Variants in CHST15 observed in about 807,000 individuals in gnomAD.
CHST15 encodes the protein B cell RAG associated protein (GALNAC4S-6ST).
In CHST15, 30 loss-of-function variants were observed where a neutral mutation model predicts 53.6. The observed-to-expected ratio is 0.56, with a 90% confidence interval of 0.42 to 0.76. The LOEUF (loss-of-function observed/expected upper bound fraction) is 0.76, where lower values mean the gene tolerates loss of function less well. Among genes scored for constraint, CHST15 ranks in the 30% least tolerant of loss-of-function variants. CHST15 has a pLI of 0.00. For synonymous variants in CHST15, 296 were observed against 289.8 expected (o/e 1.02, Z -0.22); for missense variants, 627 against 740.5 (o/e 0.85, Z 1.78).
At chr10:124,011,289 AAC>A (rs1590169846) in intron 7 of CHST15, among the ~76,000 whole-genome samples, 2 of 152,240 alleles carry the variant, frequency 1.3e-5, no homozygotes, top group East Asian at 3.8e-4. Flanking sequence ...GGCCATATGA[AAC>A]ACAGAATTGG....
Position 124,031,570 on chromosome 10 carries a change from C to T in CHST15, c.1190+6945G>A, listed in dbSNP as rs905874565. On this transcript the variant is annotated intron_variant, in intron 5 of 7. Transcript: ENST00000435907. The stretch of plus-strand genomic sequence containing the variant: ...ATGAAAACACGGGATTATAACTTTA[C>T]GGGGCCACCATCATATATGGGGTCC... Among the ~76,000 whole-genome samples, 35 of 152,246 alleles carry T rather than the reference C, an allele frequency of 2.3e-4. No individual in the cohort carries two copies. The East Asian group carries it at 5.2e-3, about 23-fold the overall frequency.
At chr10:124,068,511 G>T (rs1564904596) in intron 1 of CHST15, among the ~76,000 whole-genome samples, 1 of 152,190 alleles carries the variant, frequency 6.6e-6, no homozygotes, top group South Asian at 2.1e-4. Context: ...TGATGGGCCG[G>T]GTACATGTCC....
intron 1 of CHST15, among the ~76,000 whole-genome samples, chr10:124,062,166 C>T (rs947611029): frequency 5.9e-5 from 9 of 152,148 alleles, no homozygotes; most frequent in Non-Finnish European, 8.8e-5. Flanking sequence ...TGCATCTTTA[C>T]ACACACGCAC....
At chr10:124,093,444 T>A (rs1271523000) in intron 1 of CHST15, 25 bp downstream of exon 1, 3 of 151,976 alleles carry the variant, frequency 2.0e-5, no homozygotes, top group Admixed American at 2.0e-4. Flanking sequence ...CGACCCCACC[T>A]CGGCGTCTGG....
intron 6 of CHST15, among the ~76,000 whole-genome samples, chr10:124,016,801 C>A (rs1390268673): frequency 6.6e-6 from 1 of 152,144 alleles, no homozygotes; most frequent in Non-Finnish European, 1.5e-5. Context: ...CAGGGGCTGG[C>A]AGTAATGAAC....
intron 6 of CHST15, among the ~76,000 whole-genome samples, chr10:124,015,238 G>C (rs60761648): frequency 0.27 from 40,728 of 151,844 alleles, 5,620 homozygotes; most frequent in East Asian, 0.35. Context: ...ACCTTTTCCC[G>C]GTATAGGACA....
Position 124,008,195 on chromosome 10 carries a change from G to C in CHST15, c.*1954C>G. 1.6e-6 allele frequency: 2 copies of C among 1,228,762 alleles called. No homozygotes were observed. The highest frequency in any genetic ancestry group is 2.0e-6 in the Non-Finnish European group (2 of 986,362). 76.1% of individuals were successfully genotyped at this position (1,228,762 alleles called of 1,614,324 possible). On this transcript the variant is annotated 3_prime_UTR_variant, in exon 8 of 8. Transcript: ENST00000435907. The stretch of plus-strand genomic sequence containing the variant: ...AGAAAAATCCCTTGTTGTAATTATG[G>C]TTGGTGTGGAATAGTAAAATATGTA...
chr10:124,081,490 G>A (rs758941733), intron 1 of CHST15, among the ~76,000 whole-genome samples: 6 of 152,186 alleles, frequency 3.9e-5, no homozygotes, highest in Non-Finnish European at 5.9e-5. Flanking sequence ...AATAAGCTCC[G>A]TGGGGGTTGC....
rs1298965770 is a variant in CHST15, at chr10:124,074,503, A to G, written c.-513+18966T>C. On this transcript the variant is annotated intron_variant, in intron 1 of 7. Transcript: ENST00000435907. This position sits in a 1 kb window ranked among gnomAD's most constrained non-coding sequence, Gnocchi z 4.4. ...ATTCTAGCACATTCTAAGCCTTAAA[A>G]TGAGAACTCTGGGTCCAGGCACCTC... Among the ~76,000 whole-genome samples the G allele has an allele frequency of 1.3e-5, 2 of 152,150 alleles. No individual in the cohort carries two copies. The highest frequency in any genetic ancestry group is 4.8e-5 in the African/African-American group (2 of 41,422).
chr10:124,044,132 G>GAGGAACGGCACAGAGCAT (rs1947860204), intron 3 of CHST15, among the ~76,000 whole-genome samples: 1 of 142,646 alleles, frequency 7.0e-6, no homozygotes, highest in African/African-American at 2.6e-5. Flanking sequence ...GCACAGAGCA[G>GAGGAACGGCACAGAGCAT]AGGACCGGCA....
intron 1 of CHST15, among the ~76,000 whole-genome samples, chr10:124,055,178 C>G (rs1948335580): frequency 6.6e-6 from 1 of 152,206 alleles, no homozygotes; most frequent in Admixed American, 6.5e-5. Flanking sequence ...ATGGATTGTT[C>G]TTTGTCTAAA....
chr10:124,012,356 T>C lies in CHST15; in HGVS notation c.1472A>G (p.Lys491Arg), dbSNP rs774183284. The stretch of plus-strand genomic sequence containing the variant: ...ACCTAGGTTCAGAAACTGGAAGACC[T>C]TGTGCATGGTGTACTTGACGTTGGA... ...HASNVKYTMH[K>R]VFQFLNLGPL... Residue 491 changes from lysine to arginine, a missense_variant, in exon 7 of 8, where the codon AAG becomes AGG. Transcript: ENST00000435907. 19 of 1,614,090 alleles carry C rather than the reference T, an allele frequency of 1.2e-5. No individual in the cohort carries two copies. The South Asian group carries it at 2.0e-4, about 17-fold the overall frequency.
chr10:124,063,275 C>T (rs1369192740), intron 1 of CHST15, among the ~76,000 whole-genome samples: 1 of 151,870 alleles, frequency 6.6e-6, no homozygotes, highest in Admixed American at 6.6e-5. Flanking sequence ...CCCAGCTACT[C>T]GGGAGGCCGA....
intron 1 of CHST15, among the ~76,000 whole-genome samples, chr10:124,071,563 CG>C (rs1948913327): frequency 6.6e-6 from 1 of 152,144 alleles, no homozygotes; most frequent in Non-Finnish European, 1.5e-5. Context: ...CTCGAATAGA[CG>C]CAAAATAACC....
Position 124,009,587 on chromosome 10 carries a change from T to C in CHST15, c.*562A>G, listed in dbSNP as rs1379939543. The C allele has an allele frequency of 3.0e-6, 3 of 989,236 alleles. No homozygotes were observed. The highest frequency in any genetic ancestry group is 5.9e-5 in the Admixed American group (1 of 16,980). 61.3% of individuals were successfully genotyped at this position (989,236 alleles called of 1,614,324 possible). On this transcript the variant is annotated 3_prime_UTR_variant, in exon 8 of 8. Coordinates refer to ENST00000435907, the MANE Select transcript of CHST15 (RefSeq NM_001270764.2). The stretch of plus-strand genomic sequence containing the variant: ...CCATTCTCGAAAGACTGCGGTTCTC[T>C]GTCCCAGTGAGGTTAGCGATCGCAA...
chr10:124,039,943 C>A (rs1024608159), intron 4 of CHST15, among the ~76,000 whole-genome samples: 5 of 152,184 alleles, frequency 3.3e-5, no homozygotes, highest in Admixed American at 2.0e-4. Context: ...TGTATCATAT[C>A]CCTGCAGGCC....
At chr10:124,041,787 G>A (rs1003450079) in intron 4 of CHST15, among the ~76,000 whole-genome samples, 4 of 152,218 alleles carry the variant, frequency 2.6e-5, no homozygotes, top group Admixed American at 6.5e-5. Flanking sequence ...AAAGGCATGA[G>A]GTTGACAGGG....
intron 5 of CHST15, among the ~76,000 whole-genome samples, chr10:124,038,116 T>TTTA (rs1564872368): frequency 9.2e-5 from 14 of 151,688 alleles, no homozygotes; most frequent in African/African-American, 3.4e-4. Flanking sequence ...TTATTTTATT[T>TTTA]TTTTTTTTGA....
chr10:124,083,584 A>C (rs1412234714), intron 1 of CHST15, among the ~76,000 whole-genome samples: 1 of 152,144 alleles, frequency 6.6e-6, no homozygotes, highest in Non-Finnish European at 1.5e-5. Flanking sequence ...ACATCTCCTC[A>C]TATCTAATTT....
Sources: allele counts gnomAD v4.1 joint callset (sites outside exome capture counted in the v4.1 genomes callset), GRCh38; gene constraint gnomAD v4.1.1; non-coding constraint Gnocchi (gnomAD v3.1); transcripts MANE v1.5; gene names NCBI Gene and HGNC (gene_info 2026-07-23, HGNC 2026-07-21).